The following HNRNPLL variants were observed in gnomAD, a reference collection of about 807,000 sequenced individuals.
HNRNPLL encodes the protein heterogeneous nuclear ribonucleoprotein L-like.
Under a neutral mutation model 67.1 loss-of-function variants are expected in HNRNPLL, and 25 were observed. That is an observed-to-expected ratio of 0.37 (90% confidence interval 0.27 to 0.52). The LOEUF (loss-of-function observed/expected upper bound fraction) is 0.52. HNRNPLL is among the 20% of genes least tolerant of loss of function. The pLI, the probability that HNRNPLL is intolerant of heterozygous loss-of-function variation, is 0.90. For synonymous variants in HNRNPLL, 267 were observed against 241.7 expected, an observed-to-expected ratio of 1.10 and a Z score of -0.97; for missense variants, 542 against 673.9, an observed-to-expected ratio of 0.80 and a Z score of 2.17.
At chr2:38,579,899 T>C (rs566291816) in intron 6 of HNRNPLL, among the ~76,000 whole-genome samples, 1 of 152,240 alleles carries the variant, frequency 6.6e-6, no homozygotes, top group South Asian at 2.1e-4. Context: ...TGTAAGGAAT[T>C]AGAAAACAAA....
chr2:38,595,737 G>A (rs893168664), intron 1 of HNRNPLL, among the ~76,000 whole-genome samples: 10 of 152,150 alleles, frequency 6.6e-5, no homozygotes. Flanking sequence ...CCAGCTACTT[G>A]GAAGGCTGAG....
chr2:38,576,297 T>C (rs1262961047), intron 7 of HNRNPLL, among the ~76,000 whole-genome samples: 1 of 151,824 alleles, frequency 6.6e-6, no homozygotes, highest in African/African-American at 2.4e-5. Context: ...ATGGCAAATT[T>C]TTTGTAACCC....
intron 12 of HNRNPLL, among the ~76,000 whole-genome samples, chr2:38,565,259 AACAT>A (rs1346278733): frequency 6.6e-6 from 1 of 152,238 alleles, no homozygotes; most frequent in Non-Finnish European, 1.5e-5. Flanking sequence ...AGAGGATAAA[AACAT>A]ACATAACTGT....
intron 9 of HNRNPLL, 51 bp from the exon 10 acceptor site, chr2:38,569,385 C>A: frequency 3.1e-6 from 4 of 1,308,162 alleles, no homozygotes; most frequent in Non-Finnish European, 4.4e-6. Context: ...AGATAAAAAG[C>A]AGCAAGTAGT....
intron 1 of HNRNPLL, chr2:38,602,199 C>G (rs973513762): frequency 2.0e-6 from 1 of 489,650 alleles, no homozygotes. Flanking sequence ...TCCCCAAGTT[C>G]AGGGCCCGGC....
At chr2:38,601,480 C>G (rs1667430810) in intron 1 of HNRNPLL, 2 of 152,196 alleles carry the variant, frequency 1.3e-5, no homozygotes, top group South Asian at 2.1e-4. Context: ...TAAATAACAT[C>G]TAAGTCATTA....
chr2:38,581,869 T>C (rs371804095), intron 6 of HNRNPLL, 44 bp downstream of exon 6: 149 of 1,261,982 alleles, frequency 1.2e-4, no homozygotes, highest in East Asian at 6.0e-4. Flanking sequence ...ATATAAAAAT[T>C]TGTCAGCAGA....
intron 7 of HNRNPLL, among the ~76,000 whole-genome samples, chr2:38,576,997 A>T (rs747258966): frequency 6.6e-6 from 1 of 151,900 alleles, no homozygotes; most frequent in Non-Finnish European, 1.5e-5. Flanking sequence ...AACAAATTTA[A>T]CTGAAACCAA....
intron 1 of HNRNPLL, among the ~76,000 whole-genome samples, chr2:38,599,256 C>A (rs866746258): frequency 6.6e-6 from 1 of 152,166 alleles, no homozygotes; most frequent in African/African-American, 2.4e-5. Flanking sequence ...ATCAGCAAAC[C>A]ACTTAATAAT....
At chr2:38,601,353 T>A (rs567893789) in intron 1 of HNRNPLL, among the ~76,000 whole-genome samples, 1 of 152,242 alleles carries the variant, frequency 6.6e-6, no homozygotes, top group Non-Finnish European at 1.5e-5. Flanking sequence ...CTAATGTGCG[T>A]CTTATTTTTA....
Position 38,602,661 on chromosome 2 carries a change from G to C in HNRNPLL, c.-35C>G. 6.8e-7 allele frequency: 1 copy of C among 1,462,502 alleles called. No homozygotes were observed. The highest frequency in any genetic ancestry group is 9.0e-7 in the Non-Finnish European group (1 of 1,112,208). The allele number at this position is 1,462,502 out of a possible 1,614,324, so 90.6% of individuals were successfully genotyped here. On this transcript the variant is annotated 5_prime_UTR_variant, in exon 1 of 13. Transcript: ENST00000449105. ...CGGAGGGACCGGCTGGCAGGCGGGT[G>C]GGGGTGGCGGTGGGGCGCGCGCCTC...
At chr2:38,595,788 G>A (rs1429749697) in intron 1 of HNRNPLL, among the ~76,000 whole-genome samples, 11 of 152,172 alleles carry the variant, frequency 7.2e-5, no homozygotes, top group Admixed American at 7.2e-4. Context: ...AGCTTGCAGT[G>A]AGCTGAGATC....
chr2:38,602,126 G>C (rs1461563066), intron 1 of HNRNPLL: 2 of 375,558 alleles, frequency 5.3e-6, no homozygotes, highest in Non-Finnish European at 9.5e-6. Flanking sequence ...AGAGCTCCCC[G>C]AGCCGCGAAA....
intron 2 of HNRNPLL, among the ~76,000 whole-genome samples, chr2:38,588,421 C>T (rs886985873): frequency 1.3e-4 from 20 of 151,474 alleles, no homozygotes; most frequent in East Asian, 5.8e-4. Flanking sequence ...CGGTGGCAGG[C>T]GCCTGTAATC....
At chr2:38,599,869 T>G in intron 1 of HNRNPLL, 1 of 470,086 alleles carries the variant, frequency 2.1e-6, no homozygotes, top group Non-Finnish European at 4.4e-6. Flanking sequence ...CCAACTAGAG[T>G]TGAAAAGAAT....
At chr2:38,585,005 T>C (rs1023508109) in intron 3 of HNRNPLL, among the ~76,000 whole-genome samples, 3 of 152,176 alleles carry the variant, frequency 2.0e-5, no homozygotes, top group African/African-American at 7.2e-5. Flanking sequence ...TATGTCCCAA[T>C]ATCATATGCC....
Position 38,573,278 on chromosome 2 carries a change from A to G in HNRNPLL, c.1024T>C (p.Leu342=). The G allele has an allele frequency of 6.2e-7, 1 of 1,611,696 alleles. No homozygotes were observed. Among genetic ancestry groups the G allele is most frequent in the South Asian group, 1.1e-5 (1 of 90,860 alleles). Residue 342 remains leucine, a synonymous_variant, in exon 8 of 13, where the codon TTA becomes CTA. Transcript: ENST00000449105. ...GAACAATTCATTTTTAGTTGATGTA[A>G]TCCACTAACCATTACAACTGAACCA... is the stretch of plus-strand genomic sequence containing the variant. The part of the protein sequence containing the change: ...PSGSVVMVSG[L]HQLKMNCSRV...
chr2:38,602,472 T>TCGCCCC lies in HNRNPLL; in HGVS notation c.149_154dup (p.Gly50_Gly51dup). The stretch of plus-strand genomic sequence containing the variant: ...GAAGCTCCGGCCGCCGCCGCCGCCA[T>TCGCCCC]CGCCCCCGCCCCGGGGCGTCGCTTC... On this transcript the variant is annotated inframe_insertion, in exon 1 of 13. Coordinates refer to ENST00000449105, the MANE Select transcript of HNRNPLL (RefSeq NM_138394.4). 1 of 1,540,506 alleles carries TCGCCCC rather than the reference T, an allele frequency of 6.5e-7. No individual in the cohort carries two copies. The highest frequency in any genetic ancestry group is 8.7e-7 in the Non-Finnish European group (1 of 1,147,250).
Position 38,600,811 on chromosome 2 carries a change from T to C in HNRNPLL, c.189+1627A>G, listed in dbSNP as rs117476352. Among the ~76,000 whole-genome samples the C allele has an allele frequency of 6.4e-3, 980 of 152,196 alleles. 10 individuals are homozygous for C. Among genetic ancestry groups the C allele is most frequent in the African/African-American group, 0.021 (864 of 41,496 alleles). On this transcript the variant is annotated intron_variant, in intron 1 of 12. Coordinates refer to ENST00000449105, the MANE Select transcript of HNRNPLL (RefSeq NM_138394.4). ...TTGACCACCCCCAAGCCCTACTCAG[T>C]GCCATTTCCACCGCTCCACACATTT...
Sources: gnomAD v4.1 joint callset for allele counts (sites outside exome capture counted in the v4.1 genomes callset) on GRCh38, gnomAD v4.1.1 for gene constraint, MANE v1.5 for transcripts, NCBI Gene and HGNC (gene_info 2026-07-23, HGNC 2026-07-21) for gene names.